The following C3orf70 variants were observed in gnomAD, a reference collection of about 807,000 sequenced individuals.
The protein encoded by C3orf70 is UPF0524 protein C3orf70.
Under a neutral mutation model 20.7 loss-of-function variants are expected in C3orf70, and 15 were observed. The observed-to-expected ratio is 0.72, with a 90% CI of 0.48 to 1.11. The LOEUF (loss-of-function observed/expected upper bound fraction) is 1.11, where lower values mean the gene tolerates loss of function less well. Among genes scored for constraint, C3orf70 ranks in the 50% most tolerant of loss-of-function variants. The pLI is 0.00. For missense variants in C3orf70, 332 were observed against 317.6 expected (o/e 1.05, Z -0.34); for synonymous variants, 161 against 125.7 (o/e 1.28, Z -1.88).
chr3:185,119,920 G>A (rs1320813413), intron 1 of C3orf70, among the ~76,000 whole-genome samples: 1 of 151,036 alleles, frequency 6.6e-6, no homozygotes, highest in Non-Finnish European at 1.5e-5. Context: ...GCTACTCGAG[G>A]TTGAGGCAGG....
chr3:185,090,427 A>T (rs1002116137), intron 1 of C3orf70, among the ~76,000 whole-genome samples: 2 of 152,176 alleles, frequency 1.3e-5, no homozygotes, highest in African/African-American at 4.8e-5. Context: ...GCTTTTGCAG[A>T]TAGTTTTATG....
At chr3:185,104,858 T>C (rs1276874913) in intron 1 of C3orf70, among the ~76,000 whole-genome samples, 2 of 152,120 alleles carry the variant, frequency 1.3e-5, no homozygotes, top group Non-Finnish European at 2.9e-5. Flanking sequence ...GAAAAATAAC[T>C]AATAGGTACT....
intron 1 of C3orf70, among the ~76,000 whole-genome samples, chr3:185,145,054 C>T (rs1339557017): frequency 6.6e-6 from 1 of 152,240 alleles, no homozygotes; most frequent in African/African-American, 2.4e-5. Flanking sequence ...CTTCCACATT[C>T]TATGTGTATA....
intron 1 of C3orf70, among the ~76,000 whole-genome samples, chr3:185,141,855 T>G (rs1716759373): frequency 6.7e-6 from 1 of 149,974 alleles, no homozygotes; most frequent in South Asian, 2.1e-4. Context: ...ATTTGTCCAC[T>G]GAAAAGTCCT....
At chr3:185,142,989 C>A (rs2108606694) in intron 1 of C3orf70, among the ~76,000 whole-genome samples, 1 of 152,102 alleles carries the variant, frequency 6.6e-6, no homozygotes, top group South Asian at 2.1e-4. Context: ...CTAAAGTTAC[C>A]TAACAATAAA....
chr3:185,088,235 CTG>C (rs1462898145), intron 1 of C3orf70, among the ~76,000 whole-genome samples: 1 of 152,128 alleles, frequency 6.6e-6, no homozygotes, highest in Non-Finnish European at 1.5e-5. Context: ...GTATAATTCA[CTG>C]TATTAACAGA....
At chr3:185,094,073 G>GTT (rs1402291285) in intron 1 of C3orf70, among the ~76,000 whole-genome samples, 83 of 112,786 alleles carry the variant, frequency 7.4e-4, no homozygotes, top group African/African-American at 1.8e-3. Flanking sequence ...TATACCCTGG[G>GTT]GTTTTTTTTT....
At position 185,152,807 on chromosome 3, in the gene C3orf70, G is replaced by C. The variant is rs757159118; in HGVS notation, c.17C>G (p.Ser6Trp). 8.3e-6 allele frequency: 13 copies of C among 1,563,766 alleles called. No homozygotes were observed. Among genetic ancestry groups the C allele is most frequent in the Non-Finnish European group, 1.1e-5 (13 of 1,153,362 alleles). ...CTTCCAACCCCGCTCCGACGCCGGC[G>C]AGGCCGCCGCACTCATTTCCTCTCC... MSAAASPASERGWKSE... is the reference protein window; with the variant it reads MSAAAWPASERGWKSE... The change falls in exon 1 of 2, where the codon TCG (serine) becomes TGG (tryptophan). Residue 6 changes from serine to tryptophan, a missense_variant. Ser to Trp is a radical substitution (Grantham distance 177). Coordinates refer to ENST00000335012, the MANE Select transcript of C3orf70 (RefSeq NM_001025266.3).
At position 185,082,913 on chromosome 3, in the gene C3orf70, T is replaced by C. The variant is rs1272339691; in HGVS notation, c.*94A>G. 3 of 1,312,520 alleles carry C rather than the reference T, an allele frequency of 2.3e-6. No individual in the cohort carries two copies. Among genetic ancestry groups the C allele is most frequent in the Non-Finnish European group, 3.2e-6 (3 of 944,292 alleles). The allele number at this position is 1,312,520 out of a possible 1,614,324, so 81.3% of individuals were successfully genotyped here. A position where few individuals can be genotyped will look rare whatever the true frequency, so the allele number is the denominator to read the frequency against. Reference sequence around the variant, plus strand: ...GTTGGTTGGAGCGGGGCGGGGTGGGTAGAAAATATCAACAGCATTGGAAAA... The same window carrying C: ...GTTGGTTGGAGCGGGGCGGGGTGGGCAGAAAATATCAACAGCATTGGAAAA... On this transcript the variant is annotated 3_prime_UTR_variant, in exon 2 of 2. Coordinates refer to ENST00000335012, the MANE Select transcript of C3orf70 (RefSeq NM_001025266.3).
At position 185,082,043 on chromosome 3, in the gene C3orf70, A is replaced by T. The variant is rs549014621; in HGVS notation, c.*964T>A. 1 of 152,332 alleles carries T rather than the reference A, an allele frequency of 6.6e-6. No homozygotes were observed. Among genetic ancestry groups the T allele is most frequent in the African/African-American group, 2.4e-5 (1 of 41,570 alleles). 9.4% of individuals were successfully genotyped at this position (152,332 alleles called of 1,614,324 possible). ...AAGATGTCAGATGTGGCTGCCACCT[A>T]AATGTGATACCTATATAACTTCCTA... On this transcript the variant is annotated 3_prime_UTR_variant, in exon 2 of 2. Coordinates refer to ENST00000335012, the MANE Select transcript of C3orf70 (RefSeq NM_001025266.3).
At chr3:185,116,293 T>A (rs773928990) in intron 1 of C3orf70, among the ~76,000 whole-genome samples, 2 of 152,192 alleles carry the variant, frequency 1.3e-5, no homozygotes, top group Non-Finnish European at 2.9e-5. Context: ...TAATGGCACA[T>A]GGAATACGAA....
chr3:185,097,716 G>A (rs1342122002), intron 1 of C3orf70, among the ~76,000 whole-genome samples: 1 of 152,188 alleles, frequency 6.6e-6, no homozygotes, highest in Non-Finnish European at 1.5e-5. Context: ...AAGAGACAGG[G>A]AGGAAGCACC....
Position 185,082,146 on chromosome 3 carries a change from T to A in C3orf70, c.*861A>T, listed in dbSNP as rs1415762004. The A allele has an allele frequency of 1.3e-5, 2 of 152,218 alleles. No homozygotes were observed. The highest frequency in any genetic ancestry group is 2.9e-5 in the Non-Finnish European group (2 of 68,000). 9.4% of individuals were successfully genotyped at this position (152,218 alleles called of 1,614,324 possible). On this transcript the variant is annotated 3_prime_UTR_variant, in exon 2 of 2. Coordinates refer to ENST00000335012, the MANE Select transcript of C3orf70 (RefSeq NM_001025266.3). ...CCCACCAAGAAGCCAGCTCAAATGC[T>A]GAAACACATTCCCCAGCTAGCCCCA...
intron 1 of C3orf70, among the ~76,000 whole-genome samples, chr3:185,125,423 C>G (rs1277763805): frequency 8.8e-6 from 1 of 114,248 alleles, no homozygotes; most frequent in South Asian, 2.8e-4. Context: ...ACAACAACAA[C>G]AACAACAAAA....
chr3:185,122,159 A>G (rs1037082776), intron 1 of C3orf70, among the ~76,000 whole-genome samples: 1 of 152,208 alleles, frequency 6.6e-6, no homozygotes, highest in African/African-American at 2.4e-5. Flanking sequence ...ATTAATCAAA[A>G]GAAAGCTAGA....
intron 1 of C3orf70, among the ~76,000 whole-genome samples, chr3:185,136,667 T>C (rs1297098000): frequency 6.6e-6 from 1 of 152,024 alleles, no homozygotes; most frequent in Non-Finnish European, 1.5e-5. Context: ...GAGCTTGCAG[T>C]GAGCCGAGAT....
chr3:185,117,630 C>T (rs1306836709), intron 1 of C3orf70, among the ~76,000 whole-genome samples: 1 of 152,202 alleles, frequency 6.6e-6, no homozygotes, highest in Non-Finnish European at 1.5e-5. Flanking sequence ...TTCTAAAACA[C>T]AAATCTGATT....
chr3:185,115,434 C>T (rs1334802398), intron 1 of C3orf70, among the ~76,000 whole-genome samples: 2 of 152,170 alleles, frequency 1.3e-5, no homozygotes, highest in Non-Finnish European at 2.9e-5. Context: ...GAGAAGGCTT[C>T]CTCTCCTTCC....
At chr3:185,111,491 G>A (rs913031826) in intron 1 of C3orf70, among the ~76,000 whole-genome samples, 5 of 152,156 alleles carry the variant, frequency 3.3e-5, no homozygotes, top group Admixed American at 3.3e-4. Context: ...CACATCATTA[G>A]CCATTAGATA....
Sources: allele counts gnomAD v4.1 joint callset (sites outside exome capture counted in the v4.1 genomes callset), GRCh38; gene constraint gnomAD v4.1.1; transcripts MANE v1.5; gene names NCBI Gene and HGNC (gene_info 2026-07-23, HGNC 2026-07-21).